Variants in RAPGEF4 observed in about 807,000 individuals in gnomAD.
The protein encoded by RAPGEF4 is RAP guanine-nucleotide-exchange factor (GEF) 4.
RAPGEF4 carries 66 observed loss-of-function variants against 147.9 expected under a neutral mutation model. That is an observed-to-expected ratio of 0.45 (90% CI 0.37 to 0.55). The LOEUF (loss-of-function observed/expected upper bound fraction) is 0.55. RAPGEF4 is among the 20% of genes least tolerant of loss of function. RAPGEF4 has a pLI of 0.00. For missense variants in RAPGEF4, 1,071 were observed against 1,257.3 expected (o/e 0.85, Z 2.24); for synonymous variants, 419 against 442.7 (o/e 0.95, Z 0.67).
intron 10 of RAPGEF4, among the ~76,000 whole-genome samples, chr2:172,968,086 T>A (rs987688128): frequency 6.6e-6 from 1 of 152,196 alleles, no homozygotes; most frequent in Non-Finnish European, 1.5e-5. Context: ...AAGAATGTAT[T>A]ATTAAGCCCC....
intron 10 of RAPGEF4, among the ~76,000 whole-genome samples, chr2:172,979,019 T>G (rs1432480929): frequency 2.0e-5 from 3 of 152,234 alleles, no homozygotes. Context: ...TTAGCTGGTC[T>G]AAGATGGGAA....
intron 26 of RAPGEF4, 80 bp from the exon 27 acceptor site, chr2:173,033,834 C>A: frequency 7.7e-7 from 1 of 1,303,456 alleles, no homozygotes; most frequent in South Asian, 1.3e-5. Flanking sequence ...ATATATATTT[C>A]CCCTAGAAAT....
chr2:172,797,697 C>G (rs1165119458), intron 3 of RAPGEF4, 84 bp downstream of exon 3: 1 of 1,041,046 alleles, frequency 9.6e-7, no homozygotes, highest in Admixed American at 2.4e-5. Flanking sequence ...ATTAAAATTA[C>G]ATTTTCAAGT....
At chr2:173,029,273 T>A (rs1696951644) in intron 25 of RAPGEF4, among the ~76,000 whole-genome samples, 1 of 152,254 alleles carries the variant, frequency 6.6e-6, no homozygotes, top group African/African-American at 2.4e-5. Context: ...TTTTCAAAAA[T>A]GTTAATCCAA....
intron 12 of RAPGEF4, among the ~76,000 whole-genome samples, chr2:172,987,206 G>A (rs780799364): frequency 6.6e-6 from 1 of 152,166 alleles, no homozygotes; most frequent in Non-Finnish European, 1.5e-5. Context: ...GGAGGCTGAG[G>A]TGGAAGGATC....
intron 5 of RAPGEF4, among the ~76,000 whole-genome samples, chr2:172,918,911 C>T (rs1359133912): frequency 2.0e-5 from 3 of 152,252 alleles, no homozygotes; most frequent in African/African-American, 7.2e-5. Context: ...TCACTCACTG[C>T]AAGAGATCTC....
rs758839725 is a variant in RAPGEF4, at chr2:173,017,492, G to A, written c.1996G>A (p.Gly666Ser). Residue 666 changes from glycine (G) to serine (S), a missense_variant, in exon 21 of 31, where the codon GGC (glycine) becomes AGC (serine). Coordinates refer to ENST00000397081, the MANE Select transcript of RAPGEF4 (RefSeq NM_007023.4). ...ERAQKRQPIR[G>S]SDEVLFKVYC... is the part of the protein sequence containing the mutation. ...AGCCCAGAAGCGCCAGCCTATCCGC[G>A]GCTCTGATGAAGGTGAGAACCCTCT... is the stretch of plus-strand genomic sequence containing the variant. 9.3e-6 allele frequency: 15 copies of A among 1,613,564 alleles called. No individual in the cohort carries two copies. In the Middle Eastern group the frequency reaches 6.6e-4, roughly 71 times the overall value.
rs187064572 is a variant in RAPGEF4, at chr2:172,895,439, G to A, written c.445-22363G>A. Among the ~76,000 whole-genome samples the A allele has an allele frequency of 1.1e-3, 171 of 152,066 alleles. 1 individual carries two copies. The highest frequency in any genetic ancestry group is 2.1e-3 in the South Asian group (10 of 4,806). On this transcript the variant is annotated intron_variant, in intron 4 of 30. Coordinates refer to ENST00000397081, the MANE Select transcript of RAPGEF4 (RefSeq NM_007023.4). ...TGCTTTTCCCTCAACTCTGCTTTGG[G>A]GAAAGATCATAGACATACACTTTCC...
At chr2:172,853,066 G>A (rs1320638722) in intron 4 of RAPGEF4, among the ~76,000 whole-genome samples, 1 of 151,820 alleles carries the variant, frequency 6.6e-6, no homozygotes, top group Non-Finnish European at 1.5e-5. Flanking sequence ...TGCTGTAATT[G>A]TTAAGGATGT....
intron 4 of RAPGEF4, among the ~76,000 whole-genome samples, chr2:172,818,068 A>T (rs11677165): frequency 6.6e-6 from 1 of 151,424 alleles, no homozygotes; most frequent in Admixed American, 6.6e-5. Context: ...CATTATCCTA[A>T]GTGAAGTAAC....
At chr2:172,922,381 G>C (rs1684862284) in intron 6 of RAPGEF4, 81 bp downstream of exon 6, 2 of 1,340,680 alleles carry the variant, frequency 1.5e-6, no homozygotes, top group East Asian at 2.3e-5. Flanking sequence ...CCAACAAAGA[G>C]AGCTCTTGAC....
At chr2:172,827,084 CA>C (rs1174853743) in intron 4 of RAPGEF4, among the ~76,000 whole-genome samples, 1 of 152,074 alleles carries the variant, frequency 6.6e-6, no homozygotes, top group Non-Finnish European at 1.5e-5. Flanking sequence ...CCTTCCTCAC[CA>C]AAAAGTTTCA....
chr2:172,754,396 AAT>A (rs1157378432), intron 1 of RAPGEF4, among the ~76,000 whole-genome samples: 1 of 152,192 alleles, frequency 6.6e-6, no homozygotes, highest in Non-Finnish European at 1.5e-5. Context: ...TTATATTAAA[AAT>A]TTCTTGTGTT....
rs553791379 is a variant in RAPGEF4, at chr2:172,861,443, G to A, written c.444+47018G>A. ...GAGGGAAAAGGGGGTATCTTGAAGT[G>A]CCAGTTGCAAATAGAATCCCCTGAC... On this transcript the variant is annotated intron_variant, in intron 4 of 30. Coordinates refer to ENST00000397081, the MANE Select transcript of RAPGEF4 (RefSeq NM_007023.4). Among the ~76,000 whole-genome samples, 21 of 152,330 alleles carry A rather than the reference G, an allele frequency of 1.4e-4. No homozygotes were observed. The East Asian group carries it at 4.1e-3, about 29-fold the overall frequency.
intron 4 of RAPGEF4, among the ~76,000 whole-genome samples, chr2:172,907,670 G>A (rs1239880133): frequency 3.3e-5 from 5 of 152,100 alleles, no homozygotes; most frequent in African/African-American, 4.8e-5. Flanking sequence ...GGTGTGTTGT[G>A]GGTCATTGTA....
intron 1 of RAPGEF4, among the ~76,000 whole-genome samples, chr2:172,789,029 C>G (rs1685536255): frequency 6.6e-6 from 1 of 152,204 alleles, no homozygotes; most frequent in Non-Finnish European, 1.5e-5. Context: ...TCCTTGTTTT[C>G]TTGTTGGCTG....
At chr2:172,937,303 C>A (rs1686695439) in intron 6 of RAPGEF4, among the ~76,000 whole-genome samples, 1 of 152,014 alleles carries the variant, frequency 6.6e-6, no homozygotes, top group Non-Finnish European at 1.5e-5. Context: ...AAATTCTATC[C>A]AGGACACCAC....
At chr2:172,921,680 G>T (rs1684777348) in intron 5 of RAPGEF4, among the ~76,000 whole-genome samples, 1 of 152,216 alleles carries the variant, frequency 6.6e-6, no homozygotes, top group African/African-American at 2.4e-5. Flanking sequence ...TGAAATGTTT[G>T]TAAATCAATG....
chr2:172,932,141 T>G (rs1319750013), intron 6 of RAPGEF4, among the ~76,000 whole-genome samples: 1 of 152,206 alleles, frequency 6.6e-6, no homozygotes, highest in Non-Finnish European at 1.5e-5. Context: ...AAGTTTTAGT[T>G]ACATGGCACA....
Sources: gnomAD v4.1 joint callset for allele counts (sites outside exome capture counted in the v4.1 genomes callset) on GRCh38, gnomAD v4.1.1 for gene constraint, MANE v1.5 for transcripts, NCBI Gene and HGNC (gene_info 2026-07-23, HGNC 2026-07-21) for gene names.